Variants in PRKG1 observed in about 807,000 individuals in gnomAD.
PRKG1 encodes the protein protein kinase cGMP-dependent 1.
A neutral mutation model predicts 88.1 loss-of-function variants in PRKG1; 35 were observed. The ratio of observed to expected loss-of-function variants is 0.40; its 90% CI spans 0.30 to 0.53. The LOEUF (loss-of-function observed/expected upper bound fraction) is 0.53. PRKG1 is among the 20% of genes least tolerant of loss of function. The pLI is 0.59. For synonymous variants in PRKG1, 303 were observed against 292.5 expected (o/e 1.04, Z -0.37); for missense variants, 540 against 839.8 (o/e 0.64, Z 4.41).
intron 2 of PRKG1, among the ~76,000 whole-genome samples, chr10:51,377,821 C>A (rs867648009): frequency 6.6e-6 from 1 of 152,186 alleles, no homozygotes; most frequent in South Asian, 2.1e-4. Flanking sequence ...TGCTTCATTG[C>A]CTGTTGCTTA....
intron 5 of PRKG1, among the ~76,000 whole-genome samples, chr10:52,041,356 T>C (rs578245748): frequency 5.4e-4 from 83 of 152,364 alleles, no homozygotes; most frequent in Admixed American, 1.1e-3. Flanking sequence ...ATTTTTAAAG[T>C]GCTGTTGAAT....
upstream of PRKG1, among the ~76,000 whole-genome samples, chr10:51,070,881 G>T (rs1426797737): frequency 6.6e-6 from 1 of 152,158 alleles, no homozygotes; most frequent in East Asian, 1.9e-4. Flanking sequence ...GTTGTGAGTT[G>T]TTTCTGGAAT....
At position 51,939,654 on chromosome 10, in the gene PRKG1, C is replaced by T. The variant is rs576150963; in HGVS notation, c.762+32084C>T. ...TGGTCATGTCCTTAACATGCTTTAA[C>T]TTGTCTTTTTTGGCCTCTGGTAAGT... On this transcript the variant is annotated intron_variant, in intron 5 of 17. Transcript: ENST00000373980. Among the ~76,000 whole-genome samples the T allele has an allele frequency of 2.0e-5, 3 of 151,336 alleles. No individual in the cohort carries two copies. In the East Asian group the frequency reaches 5.8e-4, roughly 29 times the overall value.
At chr10:51,915,995 A>C (rs1267711103) in intron 5 of PRKG1, among the ~76,000 whole-genome samples, 2 of 152,206 alleles carry the variant, frequency 1.3e-5, no homozygotes, top group African/African-American at 4.8e-5. Flanking sequence ...ACCTTTACAC[A>C]TAGCTGGTGA....
chr10:51,460,548 TG>T (rs1839718592), intron 2 of PRKG1, among the ~76,000 whole-genome samples: 1 of 152,198 alleles, frequency 6.6e-6, no homozygotes, highest in African/African-American at 2.4e-5. Context: ...GGGTGCACAC[TG>T]GATCTATGGC....
intron 5 of PRKG1, among the ~76,000 whole-genome samples, chr10:51,939,241 A>T (rs1842856117): frequency 6.6e-6 from 1 of 152,038 alleles, no homozygotes. Flanking sequence ...ATTTAATGTA[A>T]TATTGCTACA....
At position 51,446,856 on chromosome 10, in the gene PRKG1, T is replaced by C. The variant is rs1168693070; in HGVS notation, c.479-20867T>C. On this transcript the variant is annotated intron_variant, in intron 2 of 17. Coordinates refer to ENST00000373980, the MANE Select transcript of PRKG1 (RefSeq NM_006258.4). ...GTAAGAAATAGCTATGTATGTACAT[T>C]CCTAAACTACCTGCTCTCAGCAGCC... Among the ~76,000 whole-genome samples, 4 of 152,174 alleles carry C rather than the reference T, an allele frequency of 2.6e-5. No homozygotes were observed. The East Asian group carries it at 7.8e-4, about 30-fold the overall frequency.
chr10:52,126,066 G>C (rs373296721), intron 7 of PRKG1: 2 of 152,090 alleles, frequency 1.3e-5, no homozygotes, highest in African/African-American at 4.8e-5. Flanking sequence ...AATTTAAAAC[G>C]TATGACTTGT....
intron 3 of PRKG1, among the ~76,000 whole-genome samples, chr10:51,680,116 T>A (rs576038599): frequency 1.8e-4 from 27 of 152,084 alleles, no homozygotes; most frequent in African/African-American, 6.3e-4. Context: ...GTCAATCTGC[T>A]CTAGTATTGG....
chr10:51,812,700 G>A (rs1185097998), intron 4 of PRKG1, among the ~76,000 whole-genome samples: 1 of 152,066 alleles, frequency 6.6e-6, no homozygotes, highest in African/African-American at 2.4e-5. Flanking sequence ...TTCATGTCAC[G>A]AACCAATTCG....
intron 5 of PRKG1, among the ~76,000 whole-genome samples, chr10:51,948,298 A>G (rs932288168): frequency 6.6e-6 from 1 of 152,140 alleles, no homozygotes; most frequent in Non-Finnish European, 1.5e-5. Context: ...TGATATTTAC[A>G]TTCCTACTTT....
chr10:51,169,511 C>A (rs1846639636), intron 2 of PRKG1, among the ~76,000 whole-genome samples: 1 of 152,048 alleles, frequency 6.6e-6, no homozygotes, highest in African/African-American at 2.4e-5. Flanking sequence ...GGAAAAACAA[C>A]TTTCTTCTTT....
At chr10:51,246,185 T>C (rs1399017679) in intron 2 of PRKG1, among the ~76,000 whole-genome samples, 1 of 152,100 alleles carries the variant, frequency 6.6e-6, no homozygotes, top group Non-Finnish European at 1.5e-5. Context: ...AGAAAGTTAA[T>C]AGACAAATTT....
chr10:51,388,830 AG>A (rs1352194159), intron 2 of PRKG1, among the ~76,000 whole-genome samples: 15 of 152,316 alleles, frequency 9.8e-5, no homozygotes, highest in Non-Finnish European at 2.1e-4. Context: ...GTTAAAAGGA[AG>A]TTTTTTTCTC....
chr10:51,209,515 T>C (rs950590556), intron 2 of PRKG1, among the ~76,000 whole-genome samples: 10 of 152,190 alleles, frequency 6.6e-5, no homozygotes, highest in African/African-American at 2.4e-4. Flanking sequence ...CAGTGTTGAT[T>C]GTCCTATTTT....
intron 4 of PRKG1, among the ~76,000 whole-genome samples, chr10:51,808,821 A>T (rs573370083): frequency 1.3e-5 from 2 of 152,168 alleles, no homozygotes; most frequent in Non-Finnish European, 2.9e-5. Context: ...CAATGCTATT[A>T]AAAAAATGAA....
chr10:51,303,368 C>T (rs1473834359), intron 2 of PRKG1, among the ~76,000 whole-genome samples: 3 of 144,680 alleles, frequency 2.1e-5, no homozygotes, highest in Non-Finnish European at 3.0e-5. Context: ...CACTGCTAGT[C>T]TTCACAGCAA....
At chr10:51,959,831 T>C (rs548155512) in intron 5 of PRKG1, among the ~76,000 whole-genome samples, 5 of 152,226 alleles carry the variant, frequency 3.3e-5, no homozygotes, top group African/African-American at 1.2e-4. Flanking sequence ...AGTTGGAAGA[T>C]AATTGAATCT....
chr10:51,975,011 G>A (rs1186060511), intron 5 of PRKG1, among the ~76,000 whole-genome samples: 3 of 151,952 alleles, frequency 2.0e-5, no homozygotes, highest in Non-Finnish European at 4.4e-5. Flanking sequence ...ATATACTGAC[G>A]GTTTTTACTG....
Sources: allele counts gnomAD v4.1 joint callset (sites outside exome capture counted in the v4.1 genomes callset), GRCh38; gene constraint gnomAD v4.1.1; transcripts MANE v1.5; gene names NCBI Gene and HGNC (gene_info 2026-07-23, HGNC 2026-07-21).